The following ADAM22 variants were observed in gnomAD, a reference collection of about 807,000 sequenced individuals.
ADAM22 encodes the protein ADAM metallopeptidase domain 22.
Under a neutral mutation model 144.6 loss-of-function variants are expected in ADAM22, and 65 were observed. The observed-to-expected ratio is 0.45, with a 90% confidence interval of 0.37 to 0.55. ADAM22 has a LOEUF of 0.55. ADAM22 is among the 20% of genes least tolerant of loss of function. The pLI, the probability that ADAM22 is intolerant of heterozygous loss-of-function variation, is 0.00. For synonymous variants in ADAM22, 391 were observed against 412.6 expected, an observed-to-expected ratio of 0.95 and a Z score of 0.63; for missense variants, 974 against 1,184.9, an observed-to-expected ratio of 0.82 and a Z score of 2.61.
chr7:87,996,067 G>A (rs1791144302), intron 3 of ADAM22, among the ~76,000 whole-genome samples: 1 of 152,162 alleles, frequency 6.6e-6, no homozygotes, highest in South Asian at 2.1e-4. Context: ...AGTCACTGTA[G>A]GTTTATTTTG....
chr7:88,112,125 G>A (rs768455262), intron 5 of ADAM22, among the ~76,000 whole-genome samples: 14 of 152,148 alleles, frequency 9.2e-5, no homozygotes, highest in East Asian at 5.8e-4. Context: ...TTTGGTCTAC[G>A]TTTTTGAAAG....
At chr7:88,173,138 A>C (rs994686690) in intron 26 of ADAM22, among the ~76,000 whole-genome samples, 27 of 152,072 alleles carry the variant, frequency 1.8e-4, no homozygotes, top group African/African-American at 6.0e-4. Context: ...CACTTTAAAA[A>C]AATGATTAAT....
intron 3 of ADAM22, among the ~76,000 whole-genome samples, chr7:87,997,702 T>A (rs1372994267): frequency 6.6e-6 from 1 of 152,242 alleles, no homozygotes; most frequent in Non-Finnish European, 1.5e-5. Context: ...TTCACAGGCT[T>A]TGAATCTCTC....
chr7:88,090,828 C>A (rs1212005910), intron 4 of ADAM22, among the ~76,000 whole-genome samples: 1 of 152,066 alleles, frequency 6.6e-6, no homozygotes, highest in Non-Finnish European at 1.5e-5. Flanking sequence ...TCTGTAATTG[C>A]AGATAGGGCC....
At chr7:88,077,801 C>T (rs1454168917) in intron 4 of ADAM22, among the ~76,000 whole-genome samples, 2 of 152,280 alleles carry the variant, frequency 1.3e-5, no homozygotes, top group East Asian at 1.9e-4. Context: ...GGGGGAGGGG[C>T]GCTCACCATT....
At position 88,045,446 on chromosome 7, in the gene ADAM22, A is replaced by T. The variant is rs147352065; in HGVS notation, c.324-30180A>T. On this transcript the variant is annotated intron_variant, in intron 3 of 31. Transcript: ENST00000413139. Reference sequence around the variant, plus strand: ...GATATGATTGAAAAAAATTGTGTATATTTATGGTATGCATGATGTTTTGAT... The same window carrying T: ...GATATGATTGAAAAAAATTGTGTATTTTTATGGTATGCATGATGTTTTGAT... Among the ~76,000 whole-genome samples the T allele has an allele frequency of 2.6e-5, 4 of 152,134 alleles. No homozygotes were observed. In the East Asian group the frequency reaches 7.7e-4, roughly 29 times the overall value.
At chr7:88,053,893 G>A (rs923497356) in intron 3 of ADAM22, among the ~76,000 whole-genome samples, 5 of 152,186 alleles carry the variant, frequency 3.3e-5, no homozygotes, top group African/African-American at 1.2e-4. Context: ...CACTTTGGGA[G>A]GCTGAGGCGG....
At position 87,978,548 on chromosome 7, in the gene ADAM22, T is replaced by C. The variant is rs116827898; in HGVS notation, c.323+136T>C. 5,216 of 631,572 alleles carry C rather than the reference T, an allele frequency of 8.3e-3. 201 individuals are homozygous for C. The African/African-American group carries it at 0.084, about 10-fold the overall frequency. The allele number at this position is 631,572 out of a possible 1,614,324, so 39.1% of individuals were successfully genotyped here. On this transcript the variant is annotated intron_variant, in intron 3 of 31. Coordinates refer to ENST00000413139, the MANE Select transcript of ADAM22 (RefSeq NM_001324418.2). ...AATACTACATTTTAAACTATACTTA[T>C]TTACTGTAGGTTATAAAGTCTGGCA...
rs1851266174 is a variant in ADAM22 at position 88,202,417 on chromosome 7, G to A, written c.*5926G>A. ...TAGCCAGCAGTAGGTCGGCACTAGT[G>A]TTTTCCACGGTTATCACCTTTGACA... On this transcript the variant is annotated 3_prime_UTR_variant, in exon 32 of 32. Transcript: ENST00000413139. The A allele has an allele frequency of 6.6e-6, 1 of 152,120 alleles. No homozygotes were observed. The highest frequency in any genetic ancestry group is 2.4e-5 in the African/African-American group (1 of 41,422). The allele number at this position is 152,120 out of a possible 1,614,324, so 9.4% of individuals were successfully genotyped here. A position where few individuals can be genotyped will look rare whatever the true frequency, so the allele number is the denominator to read the frequency against.
chr7:88,118,625 G>A (rs1828415751), intron 7 of ADAM22, among the ~76,000 whole-genome samples: 1 of 147,828 alleles, frequency 6.8e-6, no homozygotes, highest in Non-Finnish European at 1.5e-5. Flanking sequence ...AGGCTTGCTA[G>A]GATATAACCT....
chr7:87,989,156 T>C (rs1414198326), intron 3 of ADAM22, among the ~76,000 whole-genome samples: 2 of 152,196 alleles, frequency 1.3e-5, no homozygotes, highest in African/African-American at 4.8e-5. Flanking sequence ...ACATATAGGA[T>C]ATTTGAATGA....
At chr7:88,082,327 A>G (rs571436157) in intron 4 of ADAM22, among the ~76,000 whole-genome samples, 1 of 152,368 alleles carries the variant, frequency 6.6e-6, no homozygotes, top group African/African-American at 2.4e-5. Context: ...ACCTTACACA[A>G]AAATTAATTC....
intron 29 of ADAM22, among the ~76,000 whole-genome samples, chr7:88,183,487 G>C (rs760810438): frequency 6.6e-6 from 1 of 151,814 alleles, no homozygotes; most frequent in Non-Finnish European, 1.5e-5. Flanking sequence ...CGCACATTTG[G>C]TGTTTAACAA....
At chr7:87,998,682 C>T (rs1365761858) in intron 3 of ADAM22, among the ~76,000 whole-genome samples, 2 of 152,150 alleles carry the variant, frequency 1.3e-5, no homozygotes, top group African/African-American at 4.8e-5. Flanking sequence ...AGCCACCACG[C>T]CCTGCCGAGA....
Position 88,113,703 on chromosome 7 carries a change from AATATATATATATATATATAT to A in ADAM22, c.474-863_474-844del, listed in dbSNP as rs58099116. 8.0e-3 allele frequency among the ~76,000 whole-genome samples: 383 copies of A among 48,114 alleles called. 9 individuals are homozygous for A. Among genetic ancestry groups the A allele is most frequent in the African/African-American group, 0.028 (347 of 12,506 alleles). 31.6% of individuals were successfully genotyped at this position (48,114 alleles called of 152,430 possible). ...TATATATATTATAAATAAATAAATA[AATATATATATATATATATAT>A]ATATATATATATATATAGTAAGTCC... On this transcript the variant is annotated intron_variant, in intron 5 of 31. Coordinates refer to ENST00000413139, the MANE Select transcript of ADAM22 (RefSeq NM_001324418.2).
chr7:88,004,207 A>G (rs1187502131), intron 3 of ADAM22, among the ~76,000 whole-genome samples: 2 of 152,186 alleles, frequency 1.3e-5, no homozygotes, highest in African/African-American at 2.4e-5. Flanking sequence ...CTGTTAGTCT[A>G]TCAGCTCAGT....
chr7:88,034,675 C>T (rs1801081540), intron 3 of ADAM22, among the ~76,000 whole-genome samples: 1 of 152,112 alleles, frequency 6.6e-6, no homozygotes, highest in Non-Finnish European at 1.5e-5. Flanking sequence ...AGCACTTTAG[C>T]CTCAGGTAGT....
intron 3 of ADAM22, among the ~76,000 whole-genome samples, chr7:88,009,342 A>G (rs1584988931): frequency 6.6e-6 from 1 of 152,324 alleles, no homozygotes; most frequent in East Asian, 1.9e-4. Context: ...AGATTGTTAA[A>G]CAACCCAAGA....
chr7:87,960,495 T>TA (rs1224759273), intron 2 of ADAM22, among the ~76,000 whole-genome samples: 6 of 152,078 alleles, frequency 3.9e-5, no homozygotes, highest in African/African-American at 1.4e-4. Context: ...GAGAAACAGT[T>TA]ATACTTTTCT....
Sources: gnomAD v4.1 joint callset for allele counts (sites outside exome capture counted in the v4.1 genomes callset) on GRCh38, gnomAD v4.1.1 for gene constraint, MANE v1.5 for transcripts, NCBI Gene and HGNC (gene_info 2026-07-23, HGNC 2026-07-21) for gene names.